CEP112: variants seen among roughly 807,000 people sequenced by gnomAD.
CEP112 encodes the protein centrosomal protein of 112 kDa.
CEP112 carries 127 observed loss-of-function variants against 153.0 expected under a neutral mutation model. The observed-to-expected ratio is 0.83, with a 90% CI of 0.72 to 0.96. The LOEUF (loss-of-function observed/expected upper bound fraction) is 0.96. Among genes scored for constraint, CEP112 ranks in the 40% least tolerant of loss-of-function variants. CEP112 has a pLI of 0.00. For synonymous variants in CEP112, 358 were observed against 374.4 expected, an observed-to-expected ratio of 0.96 and a Z score of 0.51; for missense variants, 1,089 against 1,101.2, an observed-to-expected ratio of 0.99 and a Z score of 0.16.
At chr17:66,060,596 A>C (rs1230168637) in intron 11 of CEP112, among the ~76,000 whole-genome samples, 1 of 152,324 alleles carries the variant, frequency 6.6e-6, no homozygotes, top group East Asian at 1.9e-4. Flanking sequence ...CCAGAAAAAA[A>C]ATCCACACAT....
rs140108743 is a variant in CEP112 at position 65,754,629 on chromosome 17, G to A, written c.2395-3905C>T. On this transcript the variant is annotated intron_variant, in intron 21 of 26. Transcript: ENST00000535342. ...CAAAAAATAAAATAAAATAAAATAA[G>A]ATAAAATAAAATAAAATACAATACA... Among the ~76,000 whole-genome samples, 1,275 of 151,974 alleles carry A rather than the reference G, an allele frequency of 8.4e-3. 12 individuals carry two copies. Among genetic ancestry groups the A allele is most frequent in the South Asian group, 0.02 (94 of 4,808 alleles).
chr17:65,801,894 G>A (rs922778237), intron 21 of CEP112, among the ~76,000 whole-genome samples: 9 of 152,040 alleles, frequency 5.9e-5, no homozygotes, highest in African/African-American at 1.9e-4. Context: ...GTGTGCCCAT[G>A]CCACACTTTG....
At chr17:65,899,481 T>C (rs548961416) in intron 20 of CEP112, among the ~76,000 whole-genome samples, 1 of 152,306 alleles carries the variant, frequency 6.6e-6, no homozygotes, top group Admixed American at 6.5e-5. Context: ...ATCATTGCTC[T>C]TTAAAACAGA....
intron 16 of CEP112, among the ~76,000 whole-genome samples, chr17:66,020,585 T>C (rs774695395): frequency 2.0e-5 from 3 of 152,242 alleles, no homozygotes; most frequent in African/African-American, 4.8e-5. Flanking sequence ...CATTTTGTGA[T>C]ATAAACCATA....
At chr17:65,712,707 C>T (rs1433099503) in intron 23 of CEP112, among the ~76,000 whole-genome samples, 2 of 151,988 alleles carry the variant, frequency 1.3e-5, no homozygotes, top group African/African-American at 4.8e-5. Flanking sequence ...AAATAGTGAC[C>T]AAAATAGTAC....
At chr17:65,688,416 T>C (rs909837460) in intron 24 of CEP112, 4 of 152,240 alleles carry the variant, frequency 2.6e-5, no homozygotes, top group Admixed American at 6.5e-5. Context: ...CTCAGTTCTT[T>C]AGCCAGGGAC....
chr17:66,133,038 A>AAAC (rs772804905), intron 4 of CEP112, among the ~76,000 whole-genome samples: 13 of 151,946 alleles, frequency 8.6e-5, no homozygotes, highest in African/African-American at 2.4e-4. Flanking sequence ...GACTCATCTC[A>AAAC]AACAACAACA....
intron 19 of CEP112, among the ~76,000 whole-genome samples, chr17:65,914,637 C>T (rs11656927): frequency 0.23 from 35,370 of 152,012 alleles, 4,515 homozygotes; most frequent in South Asian, 0.37. Flanking sequence ...CACTGGATTC[C>T]ATCCTTTCTT....
intron 21 of CEP112, chr17:65,826,533 T>G: frequency 7.4e-7 from 1 of 1,346,522 alleles, no homozygotes; most frequent in Non-Finnish European, 9.5e-7. Context: ...CAGTTCCTGA[T>G]GTCAGCTAAT....
chr17:65,706,787 T>C (rs765397107), intron 23 of CEP112, among the ~76,000 whole-genome samples: 27 of 152,246 alleles, frequency 1.8e-4, no homozygotes, highest in Admixed American at 6.5e-4. Flanking sequence ...CCTATGGCTA[T>C]TGCCCTTGTC....
intron 6 of CEP112, among the ~76,000 whole-genome samples, chr17:66,129,228 C>T (rs545966494): frequency 2.0e-5 from 3 of 152,290 alleles, no homozygotes; most frequent in East Asian, 1.9e-4. Flanking sequence ...CACCCAATCA[C>T]GACAGCTCAC....
At chr17:65,737,703 CAG>C (rs1237833506) in intron 23 of CEP112, among the ~76,000 whole-genome samples, 2 of 152,218 alleles carry the variant, frequency 1.3e-5, no homozygotes, top group Non-Finnish European at 2.9e-5. Context: ...AGAGAACACA[CAG>C]AGACACTACA....
chr17:65,859,668 G>A (rs1412255507), intron 20 of CEP112, among the ~76,000 whole-genome samples: 1 of 150,714 alleles, frequency 6.6e-6, no homozygotes, highest in African/African-American at 2.4e-5. Context: ...AGAAAAGAAG[G>A]TCTACTATCA....
chr17:66,076,118 G>A (rs76441153), intron 8 of CEP112, among the ~76,000 whole-genome samples: 1,646 of 152,294 alleles, frequency 0.011, 31 homozygotes, highest in African/African-American at 0.038. Context: ...TGCGAGGGCA[G>A]CTAGAGGCAT....
chr17:65,997,211 AAAT>A (rs1236730176), intron 17 of CEP112, among the ~76,000 whole-genome samples: 1 of 152,082 alleles, frequency 6.6e-6, no homozygotes, highest in African/African-American at 2.4e-5. Context: ...ACTCCATCTA[AAAT>A]AATAATAATA....
intron 23 of CEP112, among the ~76,000 whole-genome samples, chr17:65,692,420 G>A (rs1486604935): frequency 6.6e-6 from 1 of 151,956 alleles, no homozygotes; most frequent in African/African-American, 2.4e-5. Flanking sequence ...GTAGAGACGA[G>A]GTTTCACCAT....
At chr17:65,981,628 G>C (rs933818018) in intron 17 of CEP112, among the ~76,000 whole-genome samples, 2 of 152,094 alleles carry the variant, frequency 1.3e-5, no homozygotes, top group African/African-American at 4.8e-5. Context: ...AGGCTGGAAG[G>C]CAGTGGCACA....
chr17:66,049,721 A>C (rs2066361094), intron 12 of CEP112, among the ~76,000 whole-genome samples: 1 of 152,230 alleles, frequency 6.6e-6, no homozygotes, highest in African/African-American at 2.4e-5. Flanking sequence ...ACTGCACTAC[A>C]TCTGGGCGAC....
chr17:66,085,201 A>G (rs2067872874), intron 8 of CEP112, among the ~76,000 whole-genome samples: 1 of 152,196 alleles, frequency 6.6e-6, no homozygotes, highest in Non-Finnish European at 1.5e-5. Context: ...TAATTTATAT[A>G]TCATAAAATT....
Sources: allele counts gnomAD v4.1 joint callset (sites outside exome capture counted in the v4.1 genomes callset), GRCh38; gene constraint gnomAD v4.1.1; transcripts MANE v1.5; gene names NCBI Gene and HGNC (gene_info 2026-07-23, HGNC 2026-07-21).